The following DDAH1 variants were observed in gnomAD, a reference collection of about 807,000 sequenced individuals.
The protein encoded by DDAH1 is dimethylarginine dimethylaminohydrolase 1.
Under a neutral mutation model 28.8 loss-of-function variants are expected in DDAH1, and 19 were observed. That is an observed-to-expected ratio of 0.66 (90% CI 0.46 to 0.97). The LOEUF (loss-of-function observed/expected upper bound fraction) is 0.97, where lower values mean the gene tolerates loss of function less well. DDAH1 is among the 50% of genes least tolerant of loss of function. The pLI is 0.00. For synonymous variants in DDAH1, 153 were observed against 154.4 expected (o/e 0.99, Z 0.07); for missense variants, 326 against 375.9 (o/e 0.87, Z 1.10).
chr1:85,442,793 T>A (rs1557636841), intron 1 of DDAH1, among the ~76,000 whole-genome samples: 1 of 152,234 alleles, frequency 6.6e-6, no homozygotes, highest in East Asian at 1.9e-4. Context: ...TGATGAGCAT[T>A]TTTTCATATG....
chr1:85,384,326 C>A (rs777918457), intron 1 of DDAH1, among the ~76,000 whole-genome samples: 1 of 152,208 alleles, frequency 6.6e-6, no homozygotes, highest in African/African-American at 2.4e-5. Context: ...AGCAGCCCCT[C>A]ATCTCCAGTA....
chr1:85,409,213 T>C (rs1381858032), intron 1 of DDAH1, among the ~76,000 whole-genome samples: 3 of 152,200 alleles, frequency 2.0e-5, no homozygotes, highest in African/African-American at 7.2e-5. Flanking sequence ...CTTCTTCCAG[T>C]GTGCCCCAGG....
chr1:85,533,828 T>G (rs1435678415), intron 1 of DDAH1, among the ~76,000 whole-genome samples: 1 of 152,188 alleles, frequency 6.6e-6, no homozygotes, highest in African/African-American at 2.4e-5. Context: ...TAAGACAATG[T>G]GCAAAAAGCC....
chr1:85,342,261 GATT>G (rs1205080487), intron 4 of DDAH1, among the ~76,000 whole-genome samples: 2 of 152,092 alleles, frequency 1.3e-5, no homozygotes, highest in African/African-American at 2.4e-5. Flanking sequence ...ATCAACATAT[GATT>G]ATTATTTTAA....
Position 85,567,258 on chromosome 1 carries a change from A to G in DDAH1, c.-123+10726T>C, listed in dbSNP as rs567622944. On this transcript the variant is annotated intron_variant, in intron 1 of 6. Transcript: ENST00000426972. ...ATTTAACACATAAAATTAACCATCAATGATATGGTTTGGCTCTGTGTCCCC... is the reference window on the plus strand; with the variant it reads ...ATTTAACACATAAAATTAACCATCAGTGATATGGTTTGGCTCTGTGTCCCC... Among the ~76,000 whole-genome samples the G allele has an allele frequency of 8.5e-5, 13 of 152,302 alleles. No homozygotes were observed. In the South Asian group the frequency reaches 2.1e-3, roughly 24 times the overall value.
chr1:85,429,856 G>C (rs937840885), intron 1 of DDAH1, among the ~76,000 whole-genome samples: 1 of 152,068 alleles, frequency 6.6e-6, no homozygotes, highest in Non-Finnish European at 1.5e-5. Flanking sequence ...TGATGGGTTT[G>C]TTTTTTTCCT....
At chr1:85,546,410 ACTGTGAGCTAGTAAATTT>A (rs1658628174) in intron 1 of DDAH1, among the ~76,000 whole-genome samples, 1 of 152,186 alleles carries the variant, frequency 6.6e-6, no homozygotes, top group South Asian at 2.1e-4. Flanking sequence ...AGCCTTCAGA[ACTGTGAGCTAGTAAATTT>A]CTGTTCATTA....
At position 85,531,716 on chromosome 1, in the gene DDAH1, A is replaced by C. The variant is rs557466702; in HGVS notation, c.-122-35435T>G. The stretch of plus-strand genomic sequence containing the variant: ...TACCAGTTCCTATGCTTCTTCCACC[A>C]CATTAATAAAGGCCGATACGTGTAT... On this transcript the variant is annotated intron_variant, in intron 1 of 6. Coordinates refer to the DDAH1 transcript ENST00000426972. 8.8e-5 allele frequency among the ~76,000 whole-genome samples: 13 copies of C among 147,416 alleles called. No homozygotes were observed. The South Asian group carries it at 2.5e-3, about 29-fold the overall frequency.
chr1:85,499,119 A>G (rs181311472), intron 1 of DDAH1, among the ~76,000 whole-genome samples: 28 of 136,838 alleles, frequency 2.0e-4, no homozygotes, highest in Admixed American at 1.7e-3. Context: ...TGAATAAAAA[A>G]ACAAGAACTA....
intron 1 of DDAH1, among the ~76,000 whole-genome samples, chr1:85,499,851 G>A (rs511373): frequency 0.078 from 11,865 of 152,062 alleles, 607 homozygotes; most frequent in South Asian, 0.13. Flanking sequence ...TAATAGGCAA[G>A]GAAAAAAGTA....
rs1020782062 is a variant in DDAH1, at chr1:85,465,114, T to G, written c.-69A>C. ...GGGTCCTGCCGCGGGCAGCGCGCGC[T>G]GAGCCTGCGAGCGCCCGTCGGCTCC... On this transcript the variant is annotated 5_prime_UTR_variant, in exon 1 of 6. Transcript: ENST00000284031. The G allele has an allele frequency of 3.2e-4, 374 of 1,182,690 alleles. No individual in the cohort carries two copies. The highest frequency in any genetic ancestry group is 3.7e-4 in the Non-Finnish European group (353 of 957,322). 73.3% of individuals were successfully genotyped at this position (1,182,690 alleles called of 1,614,324 possible). A position where few individuals can be genotyped will look rare whatever the true frequency, so the allele number is the denominator to read the frequency against.
chr1:85,473,350 T>C (rs1181367723), intron 2 of DDAH1, among the ~76,000 whole-genome samples: 1 of 152,154 alleles, frequency 6.6e-6, no homozygotes, highest in Non-Finnish European at 1.5e-5. Context: ...TTTATGACCA[T>C]TTGATATTCA....
At chr1:85,494,842 T>A (rs1176233612) in intron 2 of DDAH1, 1 of 152,276 alleles carries the variant, frequency 6.6e-6, no homozygotes, top group Non-Finnish European at 1.5e-5. Flanking sequence ...CAGAATCATA[T>A]CTTTGTGCAC....
intron 1 of DDAH1, among the ~76,000 whole-genome samples, chr1:85,377,528 T>C (rs1650736381): frequency 6.6e-6 from 1 of 152,110 alleles, no homozygotes; most frequent in Non-Finnish European, 1.5e-5. Context: ...GGTACTCTGA[T>C]ATTAGGCAGG....
intron 1 of DDAH1, among the ~76,000 whole-genome samples, chr1:85,375,171 T>C (rs1016680267): frequency 1.3e-5 from 2 of 152,120 alleles, no homozygotes; most frequent in Non-Finnish European, 2.9e-5. Flanking sequence ...TTCTGAGACA[T>C]CAGTACAGGT....
intron 5 of DDAH1, among the ~76,000 whole-genome samples, chr1:85,323,176 T>C (rs1259310741): frequency 6.6e-6 from 1 of 152,214 alleles, no homozygotes; most frequent in Non-Finnish European, 1.5e-5. Flanking sequence ...AACCTAGTAA[T>C]TATATCATAT....
chr1:85,550,747 A>ACG (rs543085024), intron 1 of DDAH1, among the ~76,000 whole-genome samples: 1,615 of 151,940 alleles, frequency 0.011, 35 homozygotes, highest in African/African-American at 0.037. Flanking sequence ...TAATAATAAA[A>ACG]AACACACACA....
rs559657813 is a variant in DDAH1, at chr1:85,496,270, A to G, written c.-111T>C. 3.1e-6 allele frequency: 3 copies of G among 976,384 alleles called. No homozygotes were observed. The South Asian group carries it at 1.4e-4, about 46-fold the overall frequency. The allele number at this position is 976,384 out of a possible 1,614,324, so 60.5% of individuals were successfully genotyped here. ...CCAAAGTTACCAGAGCTCCTTTTCC[A>G]TACAGATGAAACTGCAAATGGAGAA... is the stretch of plus-strand genomic sequence containing the variant. On this transcript the variant is annotated 5_prime_UTR_variant, in exon 2 of 7. Coordinates refer to the DDAH1 transcript ENST00000426972.
chr1:85,396,122 A>G (rs1651802466), intron 1 of DDAH1, among the ~76,000 whole-genome samples: 1 of 152,164 alleles, frequency 6.6e-6, no homozygotes, highest in Non-Finnish European at 1.5e-5. Context: ...ATATTCAAAC[A>G]CTTGATCAAA....
Sources: allele counts gnomAD v4.1 joint callset (sites outside exome capture counted in the v4.1 genomes callset), GRCh38; gene constraint gnomAD v4.1.1; transcripts MANE v1.5; gene names NCBI Gene and HGNC (gene_info 2026-07-23, HGNC 2026-07-21).